Variants in PACSIN2 observed in about 807,000 individuals in gnomAD.
PACSIN2 encodes protein kinase C and casein kinase substrate in neurons 2.
Under a neutral mutation model 63.8 loss-of-function variants are expected in PACSIN2, and 25 were observed. That is an observed-to-expected ratio of 0.39 (90% CI 0.29 to 0.55). The LOEUF (loss-of-function observed/expected upper bound fraction) is 0.55. Among genes scored for constraint, PACSIN2 ranks in the 20% least tolerant of loss-of-function variants. PACSIN2 has a pLI of 0.62. For missense variants in PACSIN2, 518 were observed against 646.9 expected (o/e 0.80, Z 2.16); for synonymous variants, 255 against 256.2 (o/e 1.00, Z 0.05).
In PACSIN2 at chr22:42,881,367, G is replaced by A. The variant is rs546512483; in HGVS notation, c.906+817C>T. On this transcript the variant is annotated intron_variant, in intron 7 of 10. Coordinates refer to ENST00000263246, the MANE Select transcript of PACSIN2 (RefSeq NM_001184970.3). The stretch of plus-strand genomic sequence containing the variant: ...GGGAAAACTGAGTCACAAAAAGGGC[G>A]AATAGTTTGCTCAGCTTCCCACAGG... 5.3e-5 allele frequency among the ~76,000 whole-genome samples: 8 copies of A among 152,312 alleles called. 1 individual carries two copies. Among genetic ancestry groups the A allele is most frequent in the South Asian group, 4.1e-4 (2 of 4,826 alleles).
intron 1 of PACSIN2, among the ~76,000 whole-genome samples, chr22:42,987,548 T>TTTTTTTTTTTTTA (rs1922721203): frequency 2.4e-5 from 3 of 124,830 alleles, no homozygotes; most frequent in African/African-American, 5.7e-5. Context: ...TTTTTTTTTT[T>TTTTTTTTTTTTTA]GAGACAGGAG....
chr22:42,972,706 C>G (rs1457768205), intron 1 of PACSIN2, among the ~76,000 whole-genome samples: 1 of 152,144 alleles, frequency 6.6e-6, no homozygotes, highest in East Asian at 1.9e-4. Flanking sequence ...AGGAAGCACA[C>G]AGTCTACTGC....
At chr22:42,990,208 T>A (rs977733154) in intron 1 of PACSIN2, among the ~76,000 whole-genome samples, 1 of 152,024 alleles carries the variant, frequency 6.6e-6, no homozygotes, top group African/African-American at 2.4e-5. Context: ...ACTTTCCACA[T>A]GAGGGCAGCC....
intron 4 of PACSIN2, among the ~76,000 whole-genome samples, chr22:42,890,159 G>A (rs572952668): frequency 6.6e-6 from 1 of 152,014 alleles, no homozygotes; most frequent in South Asian, 2.1e-4. Flanking sequence ...CCGCCACCAC[G>A]CCCTGCTAAT....
At chr22:42,909,592 C>A (rs892985429) in intron 2 of PACSIN2, 3 of 471,178 alleles carry the variant, frequency 6.4e-6, no homozygotes, top group Admixed American at 2.3e-5. Flanking sequence ...GGGACAGCAT[C>A]ACAAGCTGAG....
At chr22:42,893,695 C>A in intron 2 of PACSIN2, 82 bp from the exon 3 acceptor site, 2 of 1,458,466 alleles carry the variant, frequency 1.4e-6, no homozygotes, top group South Asian at 1.2e-5. Flanking sequence ...CCATGCCAAC[C>A]AGGCCCTGAT....
In PACSIN2 at chr22:42,871,528, G is replaced by C. The variant is rs1410636482; in HGVS notation, c.1349-59C>G. ...GGTATGACACCGACGGTGGGCTACA[G>C]AGCCGCATTCACGAGCTTTGAGCCC... On this transcript the variant is annotated intron_variant, in intron 10 of 10. Coordinates refer to ENST00000263246, the MANE Select transcript of PACSIN2 (RefSeq NM_001184970.3). The surrounding 1 kb of genome is among the most constrained non-coding windows in gnomAD (Gnocchi z 5.4). 1 of 1,332,938 alleles carries C rather than the reference G, an allele frequency of 7.5e-7. No individual in the cohort carries two copies. Among genetic ancestry groups the C allele is most frequent in the East Asian group, 2.3e-5 (1 of 43,572 alleles). The allele number at this position is 1,332,938 out of a possible 1,614,324, so 82.6% of individuals were successfully genotyped here. A position where few individuals can be genotyped will look rare whatever the true frequency, so the allele number is the denominator to read the frequency against.
At chr22:42,933,477 C>G (rs2146780953) in intron 1 of PACSIN2, among the ~76,000 whole-genome samples, 1 of 152,332 alleles carries the variant, frequency 6.6e-6, no homozygotes, top group South Asian at 2.1e-4. Flanking sequence ...ATAAGAGCAA[C>G]AGAACACACC....
At chr22:42,904,352 G>A (rs1440330439) in intron 2 of PACSIN2, among the ~76,000 whole-genome samples, 1 of 152,204 alleles carries the variant, frequency 6.6e-6, no homozygotes, top group Non-Finnish European at 1.5e-5. Flanking sequence ...CTGCTCACTT[G>A]CCTTCAGCCG....
chr22:43,004,159 G>C (rs957738598), intron 1 of PACSIN2, among the ~76,000 whole-genome samples: 2 of 152,152 alleles, frequency 1.3e-5, no homozygotes, highest in African/African-American at 4.8e-5. Flanking sequence ...TGTGGGCTTC[G>C]GTAGGCAGAG....
intron 1 of PACSIN2, among the ~76,000 whole-genome samples, chr22:42,952,911 T>G (rs901619887): frequency 1.5e-4 from 23 of 152,074 alleles, no homozygotes; most frequent in African/African-American, 5.6e-4. Flanking sequence ...AGTGATCCAC[T>G]GGCCTCGGCC....
rs892837187 is a variant in PACSIN2 at position 42,915,157 on chromosome 22, C to T, written c.-77-3000G>A. 3.3e-5 allele frequency among the ~76,000 whole-genome samples: 5 copies of T among 152,174 alleles called. No individual in the cohort carries two copies. The South Asian group carries it at 8.3e-4, about 25-fold the overall frequency. Reference sequence around the variant, plus strand: ...TGCTGAGATTACATGGATGAGCCACCACACCGGGCCTAAGATTTAAGAGCC... The same window carrying T: ...TGCTGAGATTACATGGATGAGCCACTACACCGGGCCTAAGATTTAAGAGCC... On this transcript the variant is annotated intron_variant, in intron 1 of 10. Transcript: ENST00000263246.
intron 1 of PACSIN2, among the ~76,000 whole-genome samples, chr22:42,951,526 C>A (rs1211032069): frequency 6.6e-6 from 1 of 152,200 alleles, no homozygotes; most frequent in Non-Finnish European, 1.5e-5. Flanking sequence ...TCACGGGCCT[C>A]TCCGACACAC....
At chr22:42,934,159 T>C (rs943034143) in intron 1 of PACSIN2, among the ~76,000 whole-genome samples, 11 of 152,252 alleles carry the variant, frequency 7.2e-5, no homozygotes, top group Admixed American at 2.0e-4. Context: ...TAACAACTTA[T>C]ATGTTTTAGA....
intron 1 of PACSIN2, among the ~76,000 whole-genome samples, chr22:42,999,140 G>A (rs745706633): frequency 2.6e-5 from 4 of 152,182 alleles, no homozygotes; most frequent in Non-Finnish European, 4.4e-5. Flanking sequence ...CCTCAGACAG[G>A]AGGGCTAAAA....
intron 1 of PACSIN2, among the ~76,000 whole-genome samples, chr22:43,008,292 C>T (rs1196948354): frequency 2.0e-5 from 3 of 152,100 alleles, no homozygotes; most frequent in African/African-American, 7.2e-5. Context: ...ACTCTGTCGC[C>T]CAGGCTGGAG....
chr22:42,935,922 A>G (rs1278981079), intron 1 of PACSIN2, among the ~76,000 whole-genome samples: 1 of 152,106 alleles, frequency 6.6e-6, no homozygotes, highest in Non-Finnish European at 1.5e-5. Flanking sequence ...GTTGAAAACT[A>G]CAGAATTCCA....
chr22:42,987,476 A>ACT (rs1461064257), intron 1 of PACSIN2, among the ~76,000 whole-genome samples: 1 of 117,024 alleles, frequency 8.5e-6, no homozygotes, highest in African/African-American at 3.5e-5. Flanking sequence ...ACACACACAC[A>ACT]CACACACACA....
intron 1 of PACSIN2, among the ~76,000 whole-genome samples, chr22:42,945,458 T>A (rs1177105061): frequency 6.6e-6 from 1 of 152,124 alleles, no homozygotes; most frequent in Non-Finnish European, 1.5e-5. Flanking sequence ...CAGACCCGCA[T>A]CTCTGCCTAC....
Sources: gnomAD v4.1 joint callset for allele counts (sites outside exome capture counted in the v4.1 genomes callset) on GRCh38, gnomAD v4.1.1 for gene constraint, Gnocchi (gnomAD v3.1) non-coding constraint, MANE v1.5 for transcripts, NCBI Gene and HGNC (gene_info 2026-07-23, HGNC 2026-07-21) for gene names.